ABI2: variants seen among roughly 807,000 people sequenced by gnomAD.
The protein encoded by ABI2 is abelson interactor 2.
In ABI2, 25 loss-of-function variants were observed where a neutral mutation model predicts 59.2. That is an observed-to-expected ratio of 0.42 (90% confidence interval 0.31 to 0.59). The LOEUF is 0.59. ABI2 is among the 20% of genes least tolerant of loss of function. The pLI, the probability that ABI2 is intolerant of heterozygous loss-of-function variation, is 0.14. For synonymous variants in ABI2, 213 were observed against 235.5 expected (o/e 0.90, Z 0.87); for missense variants, 545 against 681.8 (o/e 0.80, Z 2.23).
At chr2:203,403,939 G>A (rs191058937) in intron 9 of ABI2, among the ~76,000 whole-genome samples, 39 of 151,806 alleles carry the variant, frequency 2.6e-4, no homozygotes, top group Non-Finnish European at 4.6e-4. Flanking sequence ...TTATTGTAGA[G>A]ACAGGGTTTC....
intron 2 of ABI2, among the ~76,000 whole-genome samples, chr2:203,372,290 T>G (rs1039690344): frequency 6.6e-6 from 1 of 152,224 alleles, no homozygotes; most frequent in African/African-American, 2.4e-5. Flanking sequence ...GAATTTTTCT[T>G]GGTACAGAAC....
chr2:203,405,771 A>G (rs1414200419), intron 9 of ABI2, among the ~76,000 whole-genome samples: 2 of 152,080 alleles, frequency 1.3e-5, no homozygotes, highest in Non-Finnish European at 2.9e-5. Flanking sequence ...GTGAGCTGAC[A>G]ATCTTTGGAA....
At chr2:203,399,790 C>A (rs1462598546) in intron 8 of ABI2, among the ~76,000 whole-genome samples, 6 of 152,206 alleles carry the variant, frequency 3.9e-5, no homozygotes, top group African/African-American at 1.4e-4. Flanking sequence ...GCTGGGATTA[C>A]AGGCGTGAGC....
intron 1 of ABI2, among the ~76,000 whole-genome samples, chr2:203,364,518 T>C (rs1049303192): frequency 6.6e-6 from 1 of 152,154 alleles, no homozygotes; most frequent in Non-Finnish European, 1.5e-5. Flanking sequence ...ACAGCAACCT[T>C]GGTCCTTTAA....
At chr2:203,332,749 T>C (rs554340039) in intron 1 of ABI2, among the ~76,000 whole-genome samples, 1 of 152,344 alleles carries the variant, frequency 6.6e-6, no homozygotes, top group Non-Finnish European at 1.5e-5. Flanking sequence ...AATATAGTTG[T>C]CTTAATGTTT....
rs1194684283 is a variant in ABI2 at position 203,391,131 on chromosome 2, A to G, written c.566A>G (p.Lys189Arg). Residue 189 changes from lysine to arginine, a missense_variant, in exon 5 of 12, where the codon AAA (lysine) becomes AGA (arginine). Physicochemically the swap from Lys to Arg is conservative, Grantham distance 26 (BLOSUM62 2). This residue lies in a region of ABI2 where 410 missense variants were observed against 435.6 expected (regional missense o/e 0.94). Coordinates refer to ENST00000261018, the MANE Select transcript of ABI2 (RefSeq NM_001375670.1). ...QKPPSPPMSG[K>R]GTLGRHSPYR... is the part of the protein sequence containing the mutation. ...CCCCCTAGTCCCCCTATGTCAGGGA[A>G]AGGGACACTTGGGTGAGTATATAAG... 6.2e-7 allele frequency: 1 copy of G among 1,612,654 alleles called. No homozygotes were observed.
chr2:203,329,461 G>C (rs1189173390), intron 1 of ABI2, among the ~76,000 whole-genome samples: 1 of 150,942 alleles, frequency 6.6e-6, no homozygotes, highest in African/African-American at 2.4e-5. Context: ...GCTGCTCCTG[G>C]ATGAAGCAAA....
At chr2:203,392,534 TAG>T (rs762558547) in intron 5 of ABI2, among the ~76,000 whole-genome samples, 1 of 152,036 alleles carries the variant, frequency 6.6e-6, no homozygotes, top group Non-Finnish European at 1.5e-5. Flanking sequence ...TAATTCTGCT[TAG>T]AGAGAGAGAA....
chr2:203,379,100 A>G (rs1181024079), intron 2 of ABI2, among the ~76,000 whole-genome samples: 2 of 152,218 alleles, frequency 1.3e-5, no homozygotes, highest in Non-Finnish European at 2.9e-5. Context: ...AGCAAATAGA[A>G]GATTGTAATT....
At chr2:203,398,543 T>C (rs1336393496) in intron 8 of ABI2, among the ~76,000 whole-genome samples, 1 of 152,216 alleles carries the variant, frequency 6.6e-6, no homozygotes, top group Admixed American at 6.5e-5. Flanking sequence ...GCAATTGTTT[T>C]TCTTTTTACC....
intron 7 of ABI2, among the ~76,000 whole-genome samples, chr2:203,396,458 A>G (rs2096989799): frequency 6.6e-6 from 1 of 152,142 alleles, no homozygotes. Flanking sequence ...TTAGTGTATT[A>G]TGTTAGTTTT....
chr2:203,394,931 A>G (rs929586837), intron 6 of ABI2, 85 bp downstream of exon 6: 2 of 1,460,710 alleles, frequency 1.4e-6, no homozygotes, highest in Non-Finnish European at 1.9e-6. Context: ...CTCATTTTCC[A>G]AGCACTAAGT....
intron 8 of ABI2, among the ~76,000 whole-genome samples, chr2:203,399,119 C>G (rs2097120577): frequency 6.6e-6 from 1 of 152,086 alleles, no homozygotes; most frequent in South Asian, 2.1e-4. Context: ...TAAGAAACTG[C>G]CAAGTTGTTT....
At chr2:203,350,095 T>G (rs887035080) in intron 1 of ABI2, among the ~76,000 whole-genome samples, 3 of 152,200 alleles carry the variant, frequency 2.0e-5, no homozygotes, top group African/African-American at 7.2e-5. Flanking sequence ...ATTAAATTTT[T>G]TGAGACAGAA....
intron 11 of ABI2, among the ~76,000 whole-genome samples, chr2:203,425,043 T>G (rs1280016047): frequency 1.3e-5 from 2 of 148,774 alleles, no homozygotes; most frequent in Non-Finnish European, 1.5e-5. Context: ...TTTTTTTTTT[T>G]GTATTTTTTT....
At chr2:203,359,768 C>T (rs2093103698) in intron 1 of ABI2, among the ~76,000 whole-genome samples, 1 of 152,112 alleles carries the variant, frequency 6.6e-6, no homozygotes, top group Non-Finnish European at 1.5e-5. Context: ...TTCATGAAGG[C>T]TCTGCCTAAT....
chr2:203,377,885 G>A (rs1003624782), intron 2 of ABI2, among the ~76,000 whole-genome samples: 1 of 152,160 alleles, frequency 6.6e-6, no homozygotes, highest in African/African-American at 2.4e-5. Context: ...CAGCCTGGGC[G>A]ACAGAGTGAG....
At position 203,372,127 on chromosome 2, in the gene ABI2, ACTCTTAACGAGCATGCTGCCTT is replaced by A. The variant is rs1392909593; in HGVS notation, c.285+5085_285+5106del. Among the ~76,000 whole-genome samples, 10 of 151,456 alleles carry A rather than the reference ACTCTTAACGAGCATGCTGCCTT, an allele frequency of 6.6e-5. No individual in the cohort carries two copies. The East Asian group carries it at 1.9e-3, about 29-fold the overall frequency. On this transcript the variant is annotated intron_variant, in intron 2 of 11. Coordinates refer to ENST00000261018, the MANE Select transcript of ABI2 (RefSeq NM_001375670.1). ...TACTTGAGATTAGGGAGTGGTGATG[ACTCTTAACGAGCATGCTGCCTT>A]CAAGCATCTGTTTAACAAAGCACAT...
At chr2:203,351,627 C>T (rs1164939802) in intron 1 of ABI2, 3 of 432,036 alleles carry the variant, frequency 6.9e-6, no homozygotes, top group Non-Finnish European at 1.4e-5. Context: ...CCTTGAACTC[C>T]TGTGCTCAAG....
Sources: gnomAD v4.1 joint callset for allele counts (sites outside exome capture counted in the v4.1 genomes callset) on GRCh38, gnomAD v4.1.1 for gene constraint, gnomAD v4.1.1 regional missense constraint, MANE v1.5 for transcripts, NCBI Gene and HGNC (gene_info 2026-07-23, HGNC 2026-07-21) for gene names.